The following PCDHGB3 variants were observed in gnomAD, a reference collection of about 807,000 sequenced individuals.
PCDHGB3 encodes the protein protocadherin gamma subfamily B, 3, also known as protocadherin gamma-B3.
A neutral mutation model predicts 59.2 loss-of-function variants in PCDHGB3; 40 were observed. That is an observed-to-expected ratio of 0.68 (90% CI 0.52 to 0.88). PCDHGB3 has a LOEUF of 0.88. Among genes scored for constraint, PCDHGB3 ranks in the 40% least tolerant of loss-of-function variants. The probability of loss-of-function intolerance (pLI) is 0.00; values close to 1 mark genes in which losing one functional copy is unlikely to be tolerated. For missense variants in PCDHGB3, 1,309 were observed against 1,187.9 expected (o/e 1.10, Z -1.50); for synonymous variants, 581 against 503.6 (o/e 1.15, Z -2.06).
Position 141,371,130 on chromosome 5 carries a change from A to G in PCDHGB3, c.736A>G (p.Met246Val), listed in dbSNP as rs1055242827. 1.9e-6 allele frequency: 3 copies of G among 1,614,014 alleles called. No homozygotes were observed. The highest frequency in any genetic ancestry group is 2.2e-5 in the East Asian group (1 of 44,888). Reference sequence around the variant, plus strand: ...TAACCCCCCAGTATTTACTCAGGACATGTACAGGGTCAATGTTGCAGAGAA... The same window carrying G: ...TAACCCCCCAGTATTTACTCAGGACGTGTACAGGGTCAATGTTGCAGAGAA... ...NDNPPVFTQD[M>V]YRVNVAENLP... The change falls in exon 1 of 4, where the codon ATG (methionine) becomes GTG (valine). Residue 246 changes from methionine to valine, a missense_variant. By Grantham distance (21) the Met-to-Val change is conservative. Transcript: ENST00000576222.
chr5:141,491,869 G>C lies in PCDHGB3; in HGVS notation c.2416-2938G>C. On this transcript the variant is annotated intron_variant, in intron 1 of 3. Transcript: ENST00000576222. This position sits in a 1 kb window ranked among gnomAD's most constrained non-coding sequence, Gnocchi z 6.9. ...GGACCGTTTGCGCGAAACCAGAGTG[G>C]CCGATTAAGGGATGGGGCTCCGAGC... The C allele has an allele frequency of 6.9e-7, 1 of 1,453,094 alleles. No homozygotes were observed. Among genetic ancestry groups the C allele is most frequent in the South Asian group, 1.5e-5 (1 of 68,080 alleles). 90.0% of individuals were successfully genotyped at this position (1,453,094 alleles called of 1,614,324 possible).
Position 141,490,703 on chromosome 5 carries a change from G to GCCT in PCDHGB3, c.2416-4102_2416-4100dup. 6.2e-7 allele frequency: 1 copy of GCCT among 1,614,110 alleles called. No individual in the cohort carries two copies. The highest frequency in any genetic ancestry group is 8.5e-7 in the Non-Finnish European group (1 of 1,180,000). Reference sequence around the variant, plus strand: ...GATCCAGACACTGGGGATAATGCCCGCCTCACCTACTCCATTGTAGGAAAT... The same window carrying GCCT: ...GATCCAGACACTGGGGATAATGCCCGCCTCCTCACCTACTCCATTGTAGGAAAT... On this transcript the variant is annotated intron_variant, in intron 1 of 3. Transcript: ENST00000576222. This position sits in a 1 kb window ranked among gnomAD's most constrained non-coding sequence, Gnocchi z 5.4.
At chr5:141,423,885 A>G in intron 1 of PCDHGB3, 6 of 1,277,816 alleles carry the variant, frequency 4.7e-6, no homozygotes, top group Non-Finnish European at 5.9e-6. Flanking sequence ...ATCTTGGCAT[A>G]TTTTCTTTTG....
chr5:141,476,507 A>G lies in PCDHGB3; in HGVS notation c.2416-18300A>G. 1 of 1,614,102 alleles carries G rather than the reference A, an allele frequency of 6.2e-7. No individual in the cohort carries two copies. The highest frequency in any genetic ancestry group is 8.5e-7 in the Non-Finnish European group (1 of 1,180,008). On this transcript the variant is annotated intron_variant, in intron 1 of 3. Transcript: ENST00000576222. This position sits in a 1 kb window ranked among gnomAD's most constrained non-coding sequence, Gnocchi z 7.6. Reference sequence around the variant, plus strand: ...AGTGGTGATCCAGGACATCAACGACAACAATCCTGCTTTCCCTACCCAGGA... The same window carrying G: ...AGTGGTGATCCAGGACATCAACGACGACAATCCTGCTTTCCCTACCCAGGA...
At chr5:141,382,207 A>G (rs1042631528) in intron 1 of PCDHGB3, among the ~76,000 whole-genome samples, 1 of 152,206 alleles carries the variant, frequency 6.6e-6, no homozygotes, top group Admixed American at 6.5e-5. Context: ...ATTTATTAAA[A>G]TAGGTCTATA....
Position 141,371,262 on chromosome 5 carries a change from C to A in PCDHGB3, c.868C>A (p.Gln290Lys), listed in dbSNP as rs368232567. Residue 290 changes from glutamine (Q) to lysine (K), a missense_variant, in exon 1 of 4, where the codon CAA becomes AAA. Coordinates refer to ENST00000576222, the MANE Select transcript of PCDHGB3 (RefSeq NM_018924.5). ...AFINIGKEVR[Q>K]LFKLDSKTGE... Reference sequence around the variant, plus strand: ...CATCAATATTGGCAAGGAAGTGAGACAACTGTTCAAGCTGGACAGTAAAAC... The same window carrying A: ...CATCAATATTGGCAAGGAAGTGAGAAAACTGTTCAAGCTGGACAGTAAAAC... 3 of 1,614,000 alleles carry A rather than the reference C, an allele frequency of 1.9e-6. No homozygotes were observed. The highest frequency in any genetic ancestry group is 1.1e-5 in the South Asian group (1 of 91,088).
rs1769080872 is a variant in PCDHGB3 at position 141,372,799 on chromosome 5, A to G, written c.2405A>G (p.Asn802Ser). The G allele has an allele frequency of 4.4e-6, 7 of 1,596,852 alleles. No homozygotes were observed. The highest frequency in any genetic ancestry group is 5.1e-6 in the Non-Finnish European group (6 of 1,170,834). ...DNPEMPSNSG[N>S]LQKQAPPNTD... ...CCAGAAATGCCTTCTAATTCAGGCA[A>G]TTTGCAAAAGGTGAGTTTCTTCAAA... The change falls in exon 1 of 4, where the codon AAT becomes AGT. Residue 802 changes from asparagine to serine, a missense_variant. By Grantham distance (46) the Asn-to-Ser change is conservative (BLOSUM62 1). Coordinates refer to ENST00000576222, the MANE Select transcript of PCDHGB3 (RefSeq NM_018924.5).
chr5:141,443,848 G>A lies in PCDHGB3; in HGVS notation c.2416-50959G>A, dbSNP rs528933391. 2.6e-5 allele frequency among the ~76,000 whole-genome samples: 4 copies of A among 152,272 alleles called. No individual in the cohort carries two copies. The South Asian group carries it at 8.3e-4, about 32-fold the overall frequency. ...TTAGGTAAAATGGGTAATATGGAAA[G>A]TCTGAAAACTGAAAAAATTACTGAT... On this transcript the variant is annotated intron_variant, in intron 1 of 3. Transcript: ENST00000576222.
chr5:141,428,029 C>G, intron 1 of PCDHGB3: 2 of 1,607,160 alleles, frequency 1.2e-6, no homozygotes, highest in Non-Finnish European at 1.7e-6. Flanking sequence ...GCCGCAGAGT[C>G]CGGCTACCTG....
At chr5:141,482,809 T>C (rs1295469639) in intron 1 of PCDHGB3, among the ~76,000 whole-genome samples, 1 of 152,170 alleles carries the variant, frequency 6.6e-6, no homozygotes, top group Non-Finnish European at 1.5e-5. Flanking sequence ...CGGTGGCTCA[T>C]GCCTGTAATC....
In PCDHGB3 at chr5:141,370,610, G is replaced by T. The variant is rs547118708; in HGVS notation, c.216G>T (p.Lys72Asn). 1.9e-6 allele frequency: 3 copies of T among 1,613,986 alleles called. No individual in the cohort carries two copies. The highest frequency in any genetic ancestry group is 1.6e-4 in the Middle Eastern group (1 of 6,062). Reference protein sequence around the residue: ...PTRNLRVIAEKKFFTVSPENG... With the variant: ...PTRNLRVIAENKFFTVSPENG... ...GGAACCTGCGGGTTATTGCAGAGAA[G>T]AAATTCTTTACCGTGAGCCCCGAAA... Residue 72 changes from lysine (K) to asparagine (N), a missense_variant, in exon 1 of 4, where the codon AAG (lysine) becomes AAT (asparagine). Coordinates refer to ENST00000576222, the MANE Select transcript of PCDHGB3 (RefSeq NM_018924.5).
chr5:141,372,263 G>C lies in PCDHGB3; in HGVS notation c.1869G>C (p.Thr623=), dbSNP rs373583904. ...GGCTGTTCAGCCTGGGCCTGCGCAC[G>C]GGTGAGGTGCGCACGGCGCGTACCT... The part of the protein sequence containing the change: ...EPGLFSLGLR[T]GEVRTARTLG... Residue 623 remains threonine, a synonymous_variant, in exon 1 of 4, where the codon ACG becomes ACC. Coordinates refer to ENST00000576222, the MANE Select transcript of PCDHGB3 (RefSeq NM_018924.5). 5 of 1,613,110 alleles carry C rather than the reference G, an allele frequency of 3.1e-6. No individual in the cohort carries two copies. Among genetic ancestry groups the C allele is most frequent in the South Asian group, 1.1e-5 (1 of 91,050 alleles).
At chr5:141,405,672 G>C (rs755545370) in intron 1 of PCDHGB3, among the ~76,000 whole-genome samples, 3 of 152,024 alleles carry the variant, frequency 2.0e-5, no homozygotes, top group Non-Finnish European at 4.4e-5. Flanking sequence ...GAGACGGGGT[G>C]TCACCATGTT....
Position 141,431,431 on chromosome 5 carries a change from C to T in PCDHGB3, c.2415+58622C>T, listed in dbSNP as rs776557037. ...ACGGGGGCGACCCGGTGCGCACAGG[C>T]ACCGCGCGCATCCGCGTGATGGTTC... is the stretch of plus-strand genomic sequence containing the variant. On this transcript the variant is annotated intron_variant, in intron 1 of 3. Transcript: ENST00000576222. This position sits in a 1 kb window ranked among gnomAD's most constrained non-coding sequence, Gnocchi z 4.8. 11 of 1,613,586 alleles carry T rather than the reference C, an allele frequency of 6.8e-6. No individual in the cohort carries two copies. The East Asian group carries it at 1.1e-4, about 16-fold the overall frequency.
In PCDHGB3 at chr5:141,462,551, G is replaced by C. The variant is rs57555347; in HGVS notation, c.2416-32256G>C. 8.3e-3 allele frequency among the ~76,000 whole-genome samples: 1,259 copies of C among 151,854 alleles called. 17 individuals carry two copies. The highest frequency in any genetic ancestry group is 0.029 in the African/African-American group (1,196 of 41,422). ...TTGTTCAGTGATCTTTTCTTCTTCA[G>C]TGTTTACTGTATTTGCTAATCCCAT... On this transcript the variant is annotated intron_variant, in intron 1 of 3. Transcript: ENST00000576222.
chr5:141,451,797 C>T (rs1207473455), intron 1 of PCDHGB3, among the ~76,000 whole-genome samples: 1 of 152,006 alleles, frequency 6.6e-6, no homozygotes, highest in African/African-American at 2.4e-5. Context: ...CAGAGAATTG[C>T]TTGAACCCAG....
chr5:141,490,908 C>T lies in PCDHGB3; in HGVS notation c.2416-3899C>T, dbSNP rs201078924. On this transcript the variant is annotated intron_variant, in intron 1 of 3. Coordinates refer to ENST00000576222, the MANE Select transcript of PCDHGB3 (RefSeq NM_018924.5). This position sits in a 1 kb window ranked among gnomAD's most constrained non-coding sequence, Gnocchi z 5.4. The stretch of plus-strand genomic sequence containing the variant: ...CATCTCTGCATGTGTTTGTCCTAGA[C>T]GAGAATGATAATGCCCCAGCTGTGC... 42 of 1,613,710 alleles carry T rather than the reference C, an allele frequency of 2.6e-5. No homozygotes were observed. The highest frequency in any genetic ancestry group is 8.3e-5 in the Admixed American group (5 of 60,018).
chr5:141,399,721 G>C, intron 1 of PCDHGB3: 1 of 1,613,292 alleles, frequency 6.2e-7, no homozygotes, highest in Non-Finnish European at 8.5e-7. Flanking sequence ...ACAGGCCCGC[G>C]ACCAGGGCTC....
intron 1 of PCDHGB3, among the ~76,000 whole-genome samples, chr5:141,472,192 C>A (rs2099274015): frequency 1.3e-5 from 2 of 152,134 alleles, no homozygotes; most frequent in South Asian, 2.1e-4. Context: ...GAATTTGAAT[C>A]TTTTTGACAC....
Sources: allele counts gnomAD v4.1 joint callset (sites outside exome capture counted in the v4.1 genomes callset), GRCh38; gene constraint gnomAD v4.1.1; non-coding constraint Gnocchi (gnomAD v3.1); transcripts MANE v1.5; gene names NCBI Gene and HGNC (gene_info 2026-07-23, HGNC 2026-07-21).